The following NTM variants were observed in gnomAD, a reference collection of about 807,000 sequenced individuals.
NTM encodes neurotrimin, also known as IgLON family member 2.
NTM carries 13 observed loss-of-function variants against 42.1 expected under a neutral mutation model. The observed-to-expected ratio is 0.31, with a 90% confidence interval of 0.20 to 0.49. NTM has a LOEUF of 0.49. NTM is among the 20% of genes least tolerant of loss of function. The pLI is 0.99. For missense variants in NTM, 373 were observed against 452.8 expected (o/e 0.82, Z 1.60); for synonymous variants, 187 against 179.2 (o/e 1.04, Z -0.35).
At chr11:132,012,851 A>T (rs1463223076) in intron 2 of NTM, among the ~76,000 whole-genome samples, 1 of 152,212 alleles carries the variant, frequency 6.6e-6, no homozygotes, top group Non-Finnish European at 1.5e-5. Flanking sequence ...GCCATTCAGA[A>T]TACGCATCAG....
intron 1 of NTM, among the ~76,000 whole-genome samples, chr11:131,685,658 C>A (rs1330432498): frequency 3.3e-5 from 5 of 152,024 alleles, no homozygotes; most frequent in African/African-American, 4.8e-5. Flanking sequence ...GACACAGAGC[C>A]ACAGCACACT....
At position 132,049,182 on chromosome 11, in the gene NTM, G is replaced by C. The variant is rs572401404; in HGVS notation, c.168-97100G>C. ...ACAAAAGAGGAAATCAGACACATCT[G>C]ACAAAAGTGAGACGGATAGAGCATA... On this transcript the variant is annotated intron_variant, in intron 2 of 8. Coordinates refer to ENST00000683400, the MANE Select transcript of NTM (RefSeq NM_001352005.2). Among the ~76,000 whole-genome samples, 59 of 152,234 alleles carry C rather than the reference G, an allele frequency of 3.9e-4. No individual in the cohort carries two copies. The South Asian group carries it at 8.5e-3, about 22-fold the overall frequency.
At chr11:131,652,750 G>A (rs943590539) in intron 1 of NTM, among the ~76,000 whole-genome samples, 1 of 152,180 alleles carries the variant, frequency 6.6e-6, no homozygotes, top group African/African-American at 2.4e-5. Flanking sequence ...ATGAAAACAA[G>A]CAAACCAATG....
At chr11:132,085,709 A>G (rs1370312069) in intron 2 of NTM, among the ~76,000 whole-genome samples, 2 of 152,128 alleles carry the variant, frequency 1.3e-5, no homozygotes, top group Non-Finnish European at 2.9e-5. Flanking sequence ...TGCACATCAC[A>G]TATATAACTA....
intron 1 of NTM, among the ~76,000 whole-genome samples, chr11:131,580,121 G>A (rs921944010): frequency 1.3e-5 from 2 of 152,238 alleles, no homozygotes; most frequent in Middle Eastern, 6.8e-3. Context: ...AAAGGAATCC[G>A]AGAGCTCATC....
chr11:131,764,770 C>T (rs1052618050), intron 1 of NTM, among the ~76,000 whole-genome samples: 3 of 152,130 alleles, frequency 2.0e-5, no homozygotes, highest in Non-Finnish European at 4.4e-5. Flanking sequence ...GAACATGACT[C>T]GAAGTTGCTC....
At chr11:131,897,952 G>T (rs1178966737) in intron 1 of NTM, among the ~76,000 whole-genome samples, 3 of 152,168 alleles carry the variant, frequency 2.0e-5, no homozygotes, top group Non-Finnish European at 4.4e-5. Flanking sequence ...GCTTAAAGAT[G>T]ATATCCTTGG....
At chr11:131,507,050 G>T (rs1289441113) in intron 1 of NTM, among the ~76,000 whole-genome samples, 1 of 152,094 alleles carries the variant, frequency 6.6e-6, no homozygotes, top group African/African-American at 2.4e-5. Flanking sequence ...CCTTATATCG[G>T]TACACTGTTT....
At chr11:131,411,970 C>T (rs1393311513) in intron 1 of NTM, among the ~76,000 whole-genome samples, 2 of 152,132 alleles carry the variant, frequency 1.3e-5, no homozygotes, top group Admixed American at 1.3e-4. Flanking sequence ...ATAGCTGGGC[C>T]CCTCTGTTCT....
At chr11:131,443,638 A>T (rs1453301225) in intron 1 of NTM, among the ~76,000 whole-genome samples, 1 of 152,084 alleles carries the variant, frequency 6.6e-6, no homozygotes, top group African/African-American at 2.4e-5. Context: ...TCCCTTTCCT[A>T]ACTGTGGGCT....
At chr11:132,191,768 G>A (rs2079363124) in intron 3 of NTM, among the ~76,000 whole-genome samples, 2 of 152,220 alleles carry the variant, frequency 1.3e-5, no homozygotes, top group South Asian at 4.2e-4. Flanking sequence ...CCAATCCAAG[G>A]AAAAGAGTAA....
At chr11:131,760,171 A>G (rs1025115077) in intron 1 of NTM, among the ~76,000 whole-genome samples, 4 of 152,226 alleles carry the variant, frequency 2.6e-5, no homozygotes, top group African/African-American at 9.6e-5. Flanking sequence ...GAAGCATGAC[A>G]ACACTGGAAG....
chr11:131,874,277 A>G (rs564824717), intron 1 of NTM, among the ~76,000 whole-genome samples: 1 of 151,598 alleles, frequency 6.6e-6, no homozygotes, highest in Non-Finnish European at 1.5e-5. Flanking sequence ...AACAAGAGCT[A>G]TAAATCTAGG....
chr11:131,604,623 C>A (rs996169656), intron 1 of NTM, among the ~76,000 whole-genome samples: 2 of 146,830 alleles, frequency 1.4e-5, no homozygotes, highest in African/African-American at 2.5e-5. Context: ...AAGATTTACC[C>A]ATATATATTC....
At chr11:131,380,602 T>C (rs1942553846) in intron 1 of NTM, among the ~76,000 whole-genome samples, 1 of 152,142 alleles carries the variant, frequency 6.6e-6, no homozygotes, top group African/African-American at 2.4e-5. Context: ...GTGACCTATT[T>C]ACATGTCTAT....
At chr11:132,254,333 C>A (rs991675522) in intron 4 of NTM, among the ~76,000 whole-genome samples, 17 of 152,022 alleles carry the variant, frequency 1.1e-4, no homozygotes, top group African/African-American at 4.1e-4. Context: ...CCTATTATTT[C>A]TGTGATTCCT....
At chr11:131,719,868 G>T (rs73033975) in intron 1 of NTM, among the ~76,000 whole-genome samples, 3,021 of 152,282 alleles carry the variant, frequency 0.02, 38 homozygotes, top group Non-Finnish European at 0.03. Flanking sequence ...GTGCAAGTTG[G>T]AGATAATTGG....
intron 1 of NTM, among the ~76,000 whole-genome samples, chr11:131,756,930 A>T (rs1410493099): frequency 6.6e-6 from 1 of 152,182 alleles, no homozygotes; most frequent in African/African-American, 2.4e-5. Context: ...AGAATCAGGG[A>T]CTATGTTTAG....
At chr11:131,609,796 T>C (rs2061325821) in intron 1 of NTM, among the ~76,000 whole-genome samples, 1 of 152,244 alleles carries the variant, frequency 6.6e-6, no homozygotes, top group Non-Finnish European at 1.5e-5. Flanking sequence ...CCTAGTTCAC[T>C]TAATATAAAT....
Sources: gnomAD v4.1 joint callset for allele counts (sites outside exome capture counted in the v4.1 genomes callset) on GRCh38, gnomAD v4.1.1 for gene constraint, MANE v1.5 for transcripts, NCBI Gene and HGNC (gene_info 2026-07-23, HGNC 2026-07-21) for gene names.